RTF1: variants seen among roughly 807,000 people sequenced by gnomAD.
RTF1 encodes the protein RTF1 homolog, Paf1/RNA polymerase II complex component.
In RTF1, 10 loss-of-function variants were observed where a neutral mutation model predicts 95.7. The ratio of observed to expected loss-of-function variants is 0.10; its 90% CI spans 0.06 to 0.18. The LOEUF (loss-of-function observed/expected upper bound fraction) is 0.18. RTF1 is among the 10% of genes least tolerant of loss of function. RTF1 has a pLI of 1.00. For synonymous variants in RTF1, 305 were observed against 311.8 expected, an observed-to-expected ratio of 0.98 and a Z score of 0.23; for missense variants, 458 against 875.6, an observed-to-expected ratio of 0.52 and a Z score of 6.02.
rs759496791 is a variant in RTF1, at chr15:41,477,304, T to C, written c.1682+18T>C. 8.1e-6 allele frequency: 13 copies of C among 1,613,976 alleles called. No individual in the cohort carries two copies. In the South Asian group the frequency reaches 1.3e-4, roughly 16 times the overall value. Reference sequence around the variant, plus strand: ...GCTATCAGGTGTGTTATGGAGCCTATTTTTGGCCCGCAGACCTTGGCCAAA... The same window carrying C: ...GCTATCAGGTGTGTTATGGAGCCTACTTTTGGCCCGCAGACCTTGGCCAAA... On this transcript the variant is annotated intron_variant, in intron 13 of 17. Coordinates refer to ENST00000389629, the MANE Select transcript of RTF1 (RefSeq NM_015138.5).
rs573121958 is a variant in RTF1 at position 41,460,512 on chromosome 15, T to C, written c.662+2636T>C. 6.6e-5 allele frequency among the ~76,000 whole-genome samples: 10 copies of C among 152,216 alleles called. No individual in the cohort carries two copies. The East Asian group carries it at 1.9e-3, about 29-fold the overall frequency. On this transcript the variant is annotated intron_variant, in intron 4 of 17. Coordinates refer to ENST00000389629, the MANE Select transcript of RTF1 (RefSeq NM_015138.5). ...AAACTGTGCTGGAGTTACCAGATGGTTTAAAATTTGTATATCTGAACTGTG... is the reference window on the plus strand; with the variant it reads ...AAACTGTGCTGGAGTTACCAGATGGCTTAAAATTTGTATATCTGAACTGTG...
At chr15:41,428,256 C>CTTTTT (rs1566836262) in intron 1 of RTF1, among the ~76,000 whole-genome samples, 2 of 133,430 alleles carry the variant, frequency 1.5e-5, no homozygotes, top group African/African-American at 5.9e-5. Flanking sequence ...TACTGATATC[C>CTTTTT]CTTTTTTTTT....
chr15:41,453,182 T>A (rs532103619), intron 3 of RTF1, 134 bp downstream of exon 3: 2 of 638,226 alleles, frequency 3.1e-6, no homozygotes, highest in Non-Finnish European at 4.9e-6. Context: ...GTTCTTAACT[T>A]TTTCCATGGT....
intron 7 of RTF1, 77 bp from the exon 8 acceptor site, chr15:41,471,095 A>AGGAG: frequency 7.2e-7 from 1 of 1,385,210 alleles, no homozygotes; most frequent in Non-Finnish European, 9.9e-7. Context: ...TTAAGTTTTG[A>AGGAG]GGAGTTGATA....
chr15:41,426,779 A>ATATGTG (rs1242703256), intron 1 of RTF1, among the ~76,000 whole-genome samples: 1 of 77,562 alleles, frequency 1.3e-5, no homozygotes, highest in African/African-American at 5.0e-5. Context: ...CGCTACATAT[A>ATATGTG]TATGTGTGTG....
At chr15:41,446,922 C>A (rs1297450609) in intron 2 of RTF1, among the ~76,000 whole-genome samples, 1 of 151,976 alleles carries the variant, frequency 6.6e-6, no homozygotes, top group Non-Finnish European at 1.5e-5. Context: ...CCTCCCTTGG[C>A]CTCCTGAGTA....
In RTF1 at chr15:41,483,238, G is replaced by C. The variant is rs2140663169; in HGVS notation, c.*2551G>C. On this transcript the variant is annotated 3_prime_UTR_variant, in exon 18 of 18. Coordinates refer to ENST00000389629, the MANE Select transcript of RTF1 (RefSeq NM_015138.5). ...TCCTACCAACTAGGATTTCTTGGTGGTTCACACTATTTCTTGTGCTGGGGA... is the reference window on the plus strand; with the variant it reads ...TCCTACCAACTAGGATTTCTTGGTGCTTCACACTATTTCTTGTGCTGGGGA... 1 of 152,746 alleles carries C rather than the reference G, an allele frequency of 6.5e-6. No homozygotes were observed. The highest frequency in any genetic ancestry group is 1.9e-4 in the East Asian group (1 of 5,186). The allele number at this position is 152,746 out of a possible 1,614,324, so 9.5% of individuals were successfully genotyped here. A position where few individuals can be genotyped will look rare whatever the true frequency, so the allele number is the denominator to read the frequency against.
chr15:41,450,923 A>G lies in RTF1; in HGVS notation c.310-1978A>G, dbSNP rs2050786798. Among the ~76,000 whole-genome samples, 3 of 152,156 alleles carry G rather than the reference A, an allele frequency of 2.0e-5. No homozygotes were observed. The South Asian group carries it at 6.2e-4, about 32-fold the overall frequency. Reference sequence around the variant, plus strand: ...CTATCATCCTGCTGCCCTGCACTCCAGCCTGGGTGACAAACGAGACCCTGG... The same window carrying G: ...CTATCATCCTGCTGCCCTGCACTCCGGCCTGGGTGACAAACGAGACCCTGG... On this transcript the variant is annotated intron_variant, in intron 2 of 17. Coordinates refer to ENST00000389629, the MANE Select transcript of RTF1 (RefSeq NM_015138.5).
At chr15:41,417,413 CCCAG>C in intron 1 of RTF1, 100 bp downstream of exon 1, 2 of 1,028,476 alleles carry the variant, frequency 1.9e-6, no homozygotes, top group Non-Finnish European at 2.5e-6. Flanking sequence ...TACCAGAGCG[CCCAG>C]CTCGCCCCGT....
At position 41,482,217 on chromosome 15, in the gene RTF1, A is replaced by C. The variant is rs147541996; in HGVS notation, c.*1530A>C. The C allele has an allele frequency of 6.5e-6, 1 of 152,818 alleles. No individual in the cohort carries two copies. Among genetic ancestry groups the C allele is most frequent in the Non-Finnish European group, 1.5e-5 (1 of 68,056 alleles). 9.5% of individuals were successfully genotyped at this position (152,818 alleles called of 1,614,324 possible). A position where few individuals can be genotyped will look rare whatever the true frequency, so the allele number is the denominator to read the frequency against. On this transcript the variant is annotated 3_prime_UTR_variant, in exon 18 of 18. Transcript: ENST00000389629. The stretch of plus-strand genomic sequence containing the variant: ...GTATGTCTTTATGAAATGTTTGAAA[A>C]GAGATAAACTGACTGCTTGATAATC...
At chr15:41,476,075 G>C (rs1186316342) in intron 11 of RTF1, among the ~76,000 whole-genome samples, 1 of 152,178 alleles carries the variant, frequency 6.6e-6, no homozygotes, top group Non-Finnish European at 1.5e-5. Context: ...ACACTAAAGT[G>C]TATTTAGGGT....
chr15:41,437,876 A>G (rs1025555729), intron 1 of RTF1, among the ~76,000 whole-genome samples: 1 of 152,198 alleles, frequency 6.6e-6, no homozygotes, highest in African/African-American at 2.4e-5. Flanking sequence ...AAAATATAAA[A>G]TGACCTCAGA....
At chr15:41,427,187 T>C (rs1177859324) in intron 1 of RTF1, among the ~76,000 whole-genome samples, 1 of 138,332 alleles carries the variant, frequency 7.2e-6, no homozygotes, top group African/African-American at 2.7e-5. Context: ...AGTCTTGCTC[T>C]GTTGCCCAGG....
intron 1 of RTF1, among the ~76,000 whole-genome samples, chr15:41,432,898 A>G (rs1236258196): frequency 6.6e-6 from 1 of 150,706 alleles, no homozygotes; most frequent in Non-Finnish European, 1.5e-5. Context: ...GGATCGCACC[A>G]TTGCACTCCA....
rs565983287 is a variant in RTF1 at position 41,483,118 on chromosome 15, G to A, written c.*2431G>A. On this transcript the variant is annotated 3_prime_UTR_variant, in exon 18 of 18. Coordinates refer to ENST00000389629, the MANE Select transcript of RTF1 (RefSeq NM_015138.5). ...TCTTTCCACCCGAGTAGCCTCTGTA[G>A]TGATTGGGACCAAGACTAAGGACTT... 6 of 152,774 alleles carry A rather than the reference G, an allele frequency of 3.9e-5. No homozygotes were observed. The highest frequency in any genetic ancestry group is 1.4e-4 in the African/African-American group (6 of 41,554). The allele number at this position is 152,774 out of a possible 1,614,324, so 9.5% of individuals were successfully genotyped here.
At chr15:41,420,593 C>G (rs7172148) in intron 1 of RTF1, among the ~76,000 whole-genome samples, 34 of 152,118 alleles carry the variant, frequency 2.2e-4, no homozygotes, top group Non-Finnish European at 4.6e-4. Context: ...CACTGAGTAT[C>G]TAGTGTGGAT....
At chr15:41,422,921 A>G (rs752003736) in intron 1 of RTF1, among the ~76,000 whole-genome samples, 5 of 152,006 alleles carry the variant, frequency 3.3e-5, no homozygotes, top group Non-Finnish European at 7.4e-5. Context: ...TTACAGGCGC[A>G]CGCCACCACG....
chr15:41,475,517 T>C lies in RTF1; in HGVS notation c.1287-8T>C. On this transcript the variant is annotated splice_polypyrimidine_tract_variant and splice_region_variant and intron_variant, in intron 9 of 17. Transcript: ENST00000389629. ...ATTTCTTGGAGATGCTGTCTCTCTT[T>C]TATGTAGGCATGGCAATGACCAACG... is the stretch of plus-strand genomic sequence containing the variant. The C allele has an allele frequency of 6.2e-7, 1 of 1,612,778 alleles. No homozygotes were observed. The highest frequency in any genetic ancestry group is 1.7e-5 in the Admixed American group (1 of 59,990).
intron 1 of RTF1, among the ~76,000 whole-genome samples, chr15:41,418,282 A>C (rs535791442): frequency 2.6e-5 from 4 of 152,338 alleles, no homozygotes; most frequent in African/African-American, 9.6e-5. Context: ...GAGTAGAAAG[A>C]GTATTGAACT....
Sources: gnomAD v4.1 joint callset for allele counts (sites outside exome capture counted in the v4.1 genomes callset) on GRCh38, gnomAD v4.1.1 for gene constraint, MANE v1.5 for transcripts, NCBI Gene and HGNC (gene_info 2026-07-23, HGNC 2026-07-21) for gene names.